Variants in IFT81 observed in about 807,000 individuals in gnomAD.
IFT81 encodes the protein intraflagellar transport 81.
IFT81 carries 72 observed loss-of-function variants against 102.6 expected under a neutral mutation model. The ratio of observed to expected loss-of-function variants is 0.70; its 90% confidence interval spans 0.58 to 0.85. The LOEUF (loss-of-function observed/expected upper bound fraction) is 0.85. IFT81 is among the 40% of genes least tolerant of loss of function. The probability of loss-of-function intolerance (pLI) is 0.00; values close to 1 mark genes in which losing one functional copy is unlikely to be tolerated. For missense variants in IFT81, 723 were observed against 787.3 expected (o/e 0.92, Z 0.98); for synonymous variants, 237 against 242.7 (o/e 0.98, Z 0.22).
chr12:110,180,703 C>T (rs1324429657), intron 12 of IFT81, 132 bp downstream of exon 12: 4 of 579,670 alleles, frequency 6.9e-6, no homozygotes, highest in Non-Finnish European at 1.1e-5. Flanking sequence ...TAATTACAGA[C>T]ATGACATATA....
intron 10 of IFT81, among the ~76,000 whole-genome samples, chr12:110,160,383 G>A (rs1896073147): frequency 2.0e-5 from 3 of 152,318 alleles, no homozygotes; most frequent in Admixed American, 1.3e-4. Flanking sequence ...GAAGCTGTTG[G>A]TGTAAGTCCC....
At chr12:110,193,497 A>G (rs923741109) in intron 14 of IFT81, among the ~76,000 whole-genome samples, 14 of 152,212 alleles carry the variant, frequency 9.2e-5, no homozygotes, top group Non-Finnish European at 1.8e-4. Flanking sequence ...CTTGGAAACT[A>G]GTTCTAACCA....
At position 110,167,812 on chromosome 12, in the gene IFT81, G is replaced by A. The variant is rs370389029; in HGVS notation, c.1188+4747G>A. ...ATTATTCTCATTTTTGTCATTGTACGACTCTGTAAGTACAATTTTTTTTTA... is the reference window on the plus strand; with the variant it reads ...ATTATTCTCATTTTTGTCATTGTACAACTCTGTAAGTACAATTTTTTTTTA... On this transcript the variant is annotated intron_variant, in intron 11 of 18. Coordinates refer to ENST00000242591, the MANE Select transcript of IFT81 (RefSeq NM_014055.4). 8.0e-5 allele frequency: 21 copies of A among 261,088 alleles called. No homozygotes were observed. In the East Asian group the frequency reaches 9.5e-4, roughly 12 times the overall value. 16.2% of individuals were successfully genotyped at this position (261,088 alleles called of 1,614,324 possible). A position where few individuals can be genotyped will look rare whatever the true frequency, so the allele number is the denominator to read the frequency against.
At chr12:110,195,584 T>A (rs1454780893) in intron 14 of IFT81, among the ~76,000 whole-genome samples, 1 of 152,196 alleles carries the variant, frequency 6.6e-6, no homozygotes, top group African/African-American at 2.4e-5. Flanking sequence ...TGTTGTATCA[T>A]TTCTATCTTG....
intron 10 of IFT81, among the ~76,000 whole-genome samples, chr12:110,151,343 T>A (rs1361283889): frequency 6.6e-6 from 1 of 152,222 alleles, no homozygotes. Context: ...CATGTTGTAG[T>A]ATATGTATCA....
chr12:110,130,388 CAG>C (rs1399616821), intron 4 of IFT81, among the ~76,000 whole-genome samples: 1 of 140,148 alleles, frequency 7.1e-6, no homozygotes, highest in Non-Finnish European at 1.5e-5. Context: ...TTTTCCGAGA[CAG>C]AGTCTTGCTC....
chr12:110,174,073 C>A (rs1013989296), intron 11 of IFT81, among the ~76,000 whole-genome samples: 1 of 151,390 alleles, frequency 6.6e-6, no homozygotes, highest in Non-Finnish European at 1.5e-5. Context: ...GTCAGGAGAT[C>A]GAGACCATCC....
Position 110,148,036 on chromosome 12 carries a change from GTTAT to G in IFT81, c.1041+1007_1041+1010del, listed in dbSNP as rs1054629326. Among the ~76,000 whole-genome samples the G allele has an allele frequency of 1.1e-4, 17 of 152,010 alleles. 1 individual carries two copies. In the South Asian group the frequency reaches 1.2e-3, roughly 11 times the overall value. ...TTCATATATTGCATTTGGCTGATAAGTTATTTATTTATTTATTTATTTTTTGCTG... is the reference window on the plus strand; with the variant it reads ...TTCATATATTGCATTTGGCTGATAAGTTATTTATTTATTTATTTTTTGCTG... On this transcript the variant is annotated intron_variant, in intron 10 of 18. Coordinates refer to ENST00000242591, the MANE Select transcript of IFT81 (RefSeq NM_014055.4).
At position 110,133,489 on chromosome 12, in the gene IFT81, ATGG is replaced by A. The variant is rs375241233; in HGVS notation, c.519+859_519+861del. On this transcript the variant is annotated intron_variant, in intron 5 of 18. Coordinates refer to ENST00000242591, the MANE Select transcript of IFT81 (RefSeq NM_014055.4). ...AAAAAAAAAAACAAATTAGCCAGGC[ATGG>A]TGGTGCACGCCTGTAGTCCCAGCTA... 9.0e-3 allele frequency among the ~76,000 whole-genome samples: 1,353 copies of A among 150,524 alleles called. 30 individuals are homozygous for A. The highest frequency in any genetic ancestry group is 0.032 in the African/African-American group (1,300 of 41,018).
chr12:110,180,249 A>G (rs550342868), intron 11 of IFT81, among the ~76,000 whole-genome samples, 173 bp from the exon 12 acceptor site: 1 of 150,066 alleles, frequency 6.7e-6, no homozygotes, highest in African/African-American at 2.4e-5. Context: ...TTAAGTTATT[A>G]TATAATATAT....
At chr12:110,152,470 C>A (rs1304943907) in intron 10 of IFT81, among the ~76,000 whole-genome samples, 1 of 152,130 alleles carries the variant, frequency 6.6e-6, no homozygotes. Context: ...TCTTTAGGTT[C>A]TTTGCCCATT....
At chr12:110,145,106 C>T (rs1028434494) in intron 9 of IFT81, among the ~76,000 whole-genome samples, 1 of 148,132 alleles carries the variant, frequency 6.8e-6, no homozygotes, top group African/African-American at 2.5e-5. Flanking sequence ...GATCACAGCT[C>T]ACTGCAGCCT....
At chr12:110,173,084 G>T (rs1490372013) in intron 11 of IFT81, among the ~76,000 whole-genome samples, 2 of 146,266 alleles carry the variant, frequency 1.4e-5, no homozygotes, top group Admixed American at 1.3e-4. Flanking sequence ...GAGCCCCTCT[G>T]CCCGACCAGC....
intron 18 of IFT81, among the ~76,000 whole-genome samples, chr12:110,217,033 T>C (rs1190480539): frequency 6.6e-6 from 1 of 152,170 alleles, no homozygotes; most frequent in Admixed American, 6.5e-5. Context: ...TAATATGTCA[T>C]GTATATCCTC....
chr12:110,181,903 A>C (rs1202285361), intron 12 of IFT81, among the ~76,000 whole-genome samples: 1 of 152,208 alleles, frequency 6.6e-6, no homozygotes, highest in Non-Finnish European at 1.5e-5. Flanking sequence ...AAAAAAGCCA[A>C]GCAAGAAAAG....
intron 16 of IFT81, 27 bp from the exon 17 acceptor site, chr12:110,205,568 C>T (rs1333440902): frequency 1.3e-6 from 2 of 1,588,396 alleles, no homozygotes; most frequent in Non-Finnish European, 1.7e-6. Context: ...TCAAAGTCTT[C>T]CCTAAAACTG....
chr12:110,127,281 G>A, intron 1 of IFT81, 79 bp from the exon 2 acceptor site: 1 of 1,258,070 alleles, frequency 7.9e-7, no homozygotes, highest in Non-Finnish European at 1.0e-6. Flanking sequence ...TGCCTACGTT[G>A]TATGAACTTA....
At chr12:110,175,480 A>G (rs1566144630) in intron 11 of IFT81, among the ~76,000 whole-genome samples, 1 of 152,224 alleles carries the variant, frequency 6.6e-6, no homozygotes, top group Non-Finnish European at 1.5e-5. Context: ...ATAAATTGAG[A>G]GGAAACATTT....
At position 110,190,905 on chromosome 12, in the gene IFT81, A is replaced by AT; in HGVS notation, c.1339-9dup. ...TTTTGACATGTTTTGTGGCCTTTTT[A>AT]TTTTTTACTTATAGCAAACTATGGA... On this transcript the variant is annotated splice_polypyrimidine_tract_variant and intron_variant, in intron 12 of 18. Coordinates refer to ENST00000242591, the MANE Select transcript of IFT81 (RefSeq NM_014055.4). 3 of 1,498,916 alleles carry AT rather than the reference A, an allele frequency of 2.0e-6. No homozygotes were observed. Among genetic ancestry groups the AT allele is most frequent in the Non-Finnish European group, 1.8e-6 (2 of 1,127,536 alleles). 92.9% of individuals were successfully genotyped at this position (1,498,916 alleles called of 1,614,324 possible). A position where few individuals can be genotyped will look rare whatever the true frequency, so the allele number is the denominator to read the frequency against.
Sources: gnomAD v4.1 joint callset for allele counts (sites outside exome capture counted in the v4.1 genomes callset) on GRCh38, gnomAD v4.1.1 for gene constraint, MANE v1.5 for transcripts, NCBI Gene and HGNC (gene_info 2026-07-23, HGNC 2026-07-21) for gene names.